DNAJC15: variants seen among roughly 807,000 people sequenced by gnomAD.
DNAJC15 encodes the protein dnaJ homolog subfamily C member 15.
DNAJC15 carries 27 observed loss-of-function variants against 22.4 expected under a neutral mutation model. The observed-to-expected ratio is 1.20, with a 90% CI of 0.89 to 1.66. DNAJC15 has a LOEUF of 1.66. Among genes scored for constraint, DNAJC15 ranks in the 40% most tolerant of loss-of-function variants. The probability of loss-of-function intolerance (pLI) is 0.00; values close to 1 mark genes in which losing one functional copy is unlikely to be tolerated. For synonymous variants in DNAJC15, 79 were observed against 63.2 expected (o/e 1.25, Z -1.19); for missense variants, 208 against 187.1 (o/e 1.11, Z -0.65).
chr13:43,048,662 A>T (rs896929451), intron 1 of DNAJC15, among the ~76,000 whole-genome samples: 13 of 152,064 alleles, frequency 8.5e-5, no homozygotes, highest in African/African-American at 3.1e-4. Context: ...TTTTTCTTAC[A>T]TAGAGACCAC....
intron 3 of DNAJC15, among the ~76,000 whole-genome samples, chr13:43,074,919 G>A (rs2040625906): frequency 6.6e-6 from 1 of 152,104 alleles, no homozygotes; most frequent in Non-Finnish European, 1.5e-5. Flanking sequence ...CAAAAATGTA[G>A]TATTCATGGG....
At chr13:43,044,166 CAA>C (rs2153439956) in intron 1 of DNAJC15, among the ~76,000 whole-genome samples, 1 of 152,110 alleles carries the variant, frequency 6.6e-6, no homozygotes, top group Non-Finnish European at 1.5e-5. Flanking sequence ...TGTTTAAATT[CAA>C]AGAGTTTTCT....
intron 1 of DNAJC15, among the ~76,000 whole-genome samples, chr13:43,060,486 G>A (rs1243019727): frequency 6.6e-6 from 1 of 152,158 alleles, no homozygotes; most frequent in African/African-American, 2.4e-5. Flanking sequence ...GGGGTTCAAC[G>A]TTATTGTTTG....
intron 1 of DNAJC15, among the ~76,000 whole-genome samples, chr13:43,048,325 C>A (rs372223677): frequency 0.014 from 1,794 of 130,126 alleles, 19 homozygotes; most frequent in Non-Finnish European, 0.021. Context: ...ACTAAAAATA[C>A]AAAAAAAAAA....
intron 1 of DNAJC15, among the ~76,000 whole-genome samples, chr13:43,026,016 C>T (rs2040379243): frequency 6.6e-6 from 1 of 152,198 alleles, no homozygotes; most frequent in African/African-American, 2.4e-5. Context: ...CATATTACAC[C>T]AATTTGTAGA....
At chr13:43,098,254 A>G (rs139807327) in intron 5 of DNAJC15, among the ~76,000 whole-genome samples, 6 of 152,200 alleles carry the variant, frequency 3.9e-5, no homozygotes, top group African/African-American at 1.4e-4. Flanking sequence ...GGAACGTAAG[A>G]CATCAGTCAG....
intron 4 of DNAJC15, among the ~76,000 whole-genome samples, chr13:43,081,892 G>A (rs1049014014): frequency 6.6e-6 from 1 of 152,098 alleles, no homozygotes; most frequent in African/African-American, 2.4e-5. Flanking sequence ...TAGCTGGGGA[G>A]GCCTCAATAA....
chr13:43,027,221 G>C (rs914771675), intron 1 of DNAJC15, among the ~76,000 whole-genome samples: 9 of 152,198 alleles, frequency 5.9e-5, no homozygotes, highest in Non-Finnish European at 1.3e-4. Context: ...CCTGAAAACT[G>C]TAACTCTTAC....
intron 5 of DNAJC15, among the ~76,000 whole-genome samples, chr13:43,090,466 A>G (rs560439448): frequency 6.6e-6 from 1 of 152,182 alleles, no homozygotes; most frequent in African/African-American, 2.4e-5. Flanking sequence ...TAACAAACCT[A>G]AATATGAAAG....
intron 1 of DNAJC15, among the ~76,000 whole-genome samples, chr13:43,034,043 AAG>A (rs1555273792): frequency 1.3e-5 from 2 of 151,666 alleles, no homozygotes. Flanking sequence ...AAAAAAAAAA[AAG>A]AAAATGACTT....
In DNAJC15 at chr13:43,057,724, A is replaced by T. The variant is rs368583814; in HGVS notation, c.109-7962A>T. 1.7e-4 allele frequency among the ~76,000 whole-genome samples: 26 copies of T among 152,288 alleles called. No individual in the cohort carries two copies. The South Asian group carries it at 5.0e-3, about 29-fold the overall frequency. ...TTTTCTGGTTCTTTCTCGTTTGGGT[A>T]GACTACGTCAGAGGAAAGATCTGGG... On this transcript the variant is annotated intron_variant, in intron 1 of 5. Coordinates refer to ENST00000379221, the MANE Select transcript of DNAJC15 (RefSeq NM_013238.3).
intron 3 of DNAJC15, among the ~76,000 whole-genome samples, chr13:43,074,122 G>A: frequency 6.6e-6 from 1 of 152,156 alleles, no homozygotes; most frequent in East Asian, 1.9e-4. Flanking sequence ...ATAGATTATT[G>A]TACATAATAA....
At chr13:43,082,213 C>G (rs77396173) in intron 4 of DNAJC15, among the ~76,000 whole-genome samples, 1 of 151,966 alleles carries the variant, frequency 6.6e-6, no homozygotes, top group African/African-American at 2.4e-5. Context: ...CAAAACTGCT[C>G]CATTTGCCAG....
intron 1 of DNAJC15, among the ~76,000 whole-genome samples, chr13:43,058,615 T>A (rs1368653548): frequency 6.6e-6 from 1 of 152,122 alleles, no homozygotes; most frequent in African/African-American, 2.4e-5. Context: ...CTGCACTTCC[T>A]GTTTGAACCT....
intron 1 of DNAJC15, among the ~76,000 whole-genome samples, chr13:43,036,729 C>T (rs1213143451): frequency 1.3e-5 from 2 of 152,268 alleles, no homozygotes; most frequent in East Asian, 3.8e-4. Context: ...CCATGCCAAG[C>T]TACTACCCTC....
At chr13:43,080,620 T>G (rs1000288023) in intron 4 of DNAJC15, among the ~76,000 whole-genome samples, 1 of 152,252 alleles carries the variant, frequency 6.6e-6, no homozygotes, top group Non-Finnish European at 1.5e-5. Context: ...CCCTGTATGA[T>G]CTTGGTCAAG....
chr13:43,067,338 G>A (rs1272025208), intron 2 of DNAJC15, among the ~76,000 whole-genome samples: 1 of 152,096 alleles, frequency 6.6e-6, no homozygotes, highest in African/African-American at 2.4e-5. Flanking sequence ...TGTCATCAAG[G>A]TCTTATGTCT....
intron 1 of DNAJC15, among the ~76,000 whole-genome samples, chr13:43,059,843 GT>G: frequency 2.0e-5 from 3 of 152,178 alleles, no homozygotes; most frequent in Non-Finnish European, 4.4e-5. Context: ...TAGGAGCAAT[GT>G]TTCGCGGGCA....
intron 1 of DNAJC15, among the ~76,000 whole-genome samples, chr13:43,060,425 A>T (rs555889576): frequency 6.6e-6 from 1 of 152,174 alleles, no homozygotes; most frequent in Non-Finnish European, 1.5e-5. Flanking sequence ...ATAGGTATTA[A>T]AGGACTAAGA....
Sources: gnomAD v4.1 joint callset for allele counts (sites outside exome capture counted in the v4.1 genomes callset) on GRCh38, gnomAD v4.1.1 for gene constraint, MANE v1.5 for transcripts, NCBI Gene and HGNC (gene_info 2026-07-23, HGNC 2026-07-21) for gene names.